BTLA: variants seen among roughly 807,000 people sequenced by gnomAD.
BTLA encodes B- and T-lymphocyte attenuator.
A neutral mutation model predicts 25.0 loss-of-function variants in BTLA; 11 were observed. The ratio of observed to expected loss-of-function variants is 0.44; its 90% CI spans 0.28 to 0.73. The LOEUF is 0.73. Among genes scored for constraint, BTLA ranks in the 30% least tolerant of loss-of-function variants. The probability of loss-of-function intolerance (pLI) is 0.15; values close to 1 mark genes in which losing one functional copy is unlikely to be tolerated. For synonymous variants in BTLA, 104 were observed against 119.8 expected, an observed-to-expected ratio of 0.87 and a Z score of 0.86; for missense variants, 282 against 332.8, an observed-to-expected ratio of 0.85 and a Z score of 1.19.
chr3:112,494,582 GAAT>G (rs1576693937), intron 1 of BTLA, among the ~76,000 whole-genome samples: 1 of 152,262 alleles, frequency 6.6e-6, no homozygotes, highest in East Asian at 1.9e-4. Flanking sequence ...CCATAAAAAA[GAAT>G]GAGATCATGC....
intron 2 of BTLA, 47 bp from the exon 3 acceptor site, chr3:112,471,402 A>G (rs761376768): frequency 6.9e-6 from 11 of 1,593,290 alleles, no homozygotes; most frequent in Middle Eastern, 1.7e-4. Flanking sequence ...TCTGAGATAT[A>G]TTGGGATCAG....
At chr3:112,482,164 A>C (rs2082321378) in intron 1 of BTLA, among the ~76,000 whole-genome samples, 2 of 151,500 alleles carry the variant, frequency 1.3e-5, no homozygotes, top group African/African-American at 4.9e-5. Flanking sequence ...TTTTTTCTCC[A>C]CTCTTACAGT....
At chr3:112,493,493 T>G (rs1162270258) in intron 1 of BTLA, among the ~76,000 whole-genome samples, 1 of 152,122 alleles carries the variant, frequency 6.6e-6, no homozygotes, top group Non-Finnish European at 1.5e-5. Context: ...GGGCAAAGGA[T>G]ATGAACACAC....
At chr3:112,480,454 T>G (rs867195257) in intron 1 of BTLA, among the ~76,000 whole-genome samples, 2 of 152,256 alleles carry the variant, frequency 1.3e-5, no homozygotes, top group African/African-American at 4.8e-5. Context: ...TACCTGAGAT[T>G]GGATAATTTT....
chr3:112,481,008 C>A (rs2082315223), intron 1 of BTLA, among the ~76,000 whole-genome samples: 5 of 152,190 alleles, frequency 3.3e-5, no homozygotes, highest in Admixed American at 3.3e-4. Flanking sequence ...AAGTTATCTA[C>A]TTCCAAAATA....
In BTLA at chr3:112,466,042, T is replaced by A; in HGVS notation, c.*66A>T. ...TTGAGAAATATTATTTGACATCCTGTTGAGCCCAGACAATGATGTCAACAT... is the reference window on the plus strand; with the variant it reads ...TTGAGAAATATTATTTGACATCCTGATGAGCCCAGACAATGATGTCAACAT... On this transcript the variant is annotated 3_prime_UTR_variant, in exon 5 of 5. Transcript: ENST00000334529. The A allele has an allele frequency of 7.0e-7, 1 of 1,437,804 alleles. No homozygotes were observed. Among genetic ancestry groups the A allele is most frequent in the Middle Eastern group, 1.8e-4 (1 of 5,502 alleles). The allele number at this position is 1,437,804 out of a possible 1,614,324, so 89.1% of individuals were successfully genotyped here.
chr3:112,467,506 T>C (rs1275195316), intron 4 of BTLA, among the ~76,000 whole-genome samples: 1 of 152,222 alleles, frequency 6.6e-6, no homozygotes, highest in African/African-American at 2.4e-5. Context: ...CTAACTCCTT[T>C]AAGGTATCAA....
intron 1 of BTLA, among the ~76,000 whole-genome samples, chr3:112,488,757 G>A (rs982283484): frequency 6.6e-6 from 1 of 152,102 alleles, no homozygotes; most frequent in African/African-American, 2.4e-5. Context: ...GGGAATACAG[G>A]CACCTGCCAC....
At chr3:112,497,473 T>G (rs1333618014) in intron 1 of BTLA, among the ~76,000 whole-genome samples, 1 of 152,192 alleles carries the variant, frequency 6.6e-6, no homozygotes, top group Non-Finnish European at 1.5e-5. Context: ...ATAAAGGTCT[T>G]ACCCCACCAT....
At chr3:112,477,510 G>A (rs2082295276) in intron 2 of BTLA, among the ~76,000 whole-genome samples, 1 of 151,876 alleles carries the variant, frequency 6.6e-6, no homozygotes. Context: ...GTCTATTCAA[G>A]TCCTTTGCTC....
At chr3:112,482,793 G>A (rs775097583) in intron 1 of BTLA, among the ~76,000 whole-genome samples, 2 of 152,048 alleles carry the variant, frequency 1.3e-5, no homozygotes, top group Non-Finnish European at 2.9e-5. Context: ...TAAGGATGAG[G>A]TTTTCAAAAA....
At chr3:112,490,739 AAG>A (rs1491273763) in intron 1 of BTLA, among the ~76,000 whole-genome samples, 85 of 9,310 alleles carry the variant, frequency 9.1e-3, no homozygotes, top group South Asian at 0.061. Context: ...TAAAAAAAAA[AAG>A]CAACCATGAA....
intron 2 of BTLA, among the ~76,000 whole-genome samples, chr3:112,476,179 C>T (rs2082287648): frequency 6.6e-6 from 1 of 152,204 alleles, no homozygotes; most frequent in African/African-American, 2.4e-5. Flanking sequence ...TAAGCCAGTG[C>T]ATGGATGGTC....
At chr3:112,497,615 T>C (rs961084519) in intron 1 of BTLA, among the ~76,000 whole-genome samples, 11 of 152,112 alleles carry the variant, frequency 7.2e-5, no homozygotes, top group Non-Finnish European at 1.6e-4. Flanking sequence ...AGGCATCTGA[T>C]GGAAGGTGGA....
chr3:112,472,749 C>T (rs779827067), intron 2 of BTLA, among the ~76,000 whole-genome samples: 10 of 151,902 alleles, frequency 6.6e-5, no homozygotes, highest in Admixed American at 2.0e-4. Flanking sequence ...TGGCTAGATG[C>T]TTAGGTTTGG....
chr3:112,499,392 A>G lies in BTLA; in HGVS notation c.-34T>C. On this transcript the variant is annotated 5_prime_UTR_variant, in exon 1 of 5. Coordinates refer to ENST00000334529, the MANE Select transcript of BTLA (RefSeq NM_181780.4). ...CATATCAGTGATGGAAAAACTGCTC[A>G]AGTAGAAGGCTTTGCTTCGTCTTCT... is the stretch of plus-strand genomic sequence containing the variant. 2 of 1,599,604 alleles carry G rather than the reference A, an allele frequency of 1.3e-6. No individual in the cohort carries two copies. The highest frequency in any genetic ancestry group is 1.7e-6 in the Non-Finnish European group (2 of 1,168,728).
intron 1 of BTLA, among the ~76,000 whole-genome samples, chr3:112,484,853 C>G (rs2082337818): frequency 6.6e-6 from 1 of 152,088 alleles, no homozygotes; most frequent in South Asian, 2.1e-4. Context: ...CTGACTGGCA[C>G]AGGAATTTTT....
chr3:112,475,269 G>C (rs2082283259), intron 2 of BTLA, among the ~76,000 whole-genome samples: 1 of 152,142 alleles, frequency 6.6e-6, no homozygotes, highest in African/African-American at 2.4e-5. Context: ...AAGGATAGGT[G>C]AGTAGGAAAC....
chr3:112,469,679 T>C, intron 4 of BTLA, 79 bp downstream of exon 4: 1 of 1,094,912 alleles, frequency 9.1e-7, no homozygotes, highest in Non-Finnish European at 1.3e-6. Context: ...GCACATGGTG[T>C]TATATAAATT....
Sources: gnomAD v4.1 joint callset for allele counts (sites outside exome capture counted in the v4.1 genomes callset) on GRCh38, gnomAD v4.1.1 for gene constraint, MANE v1.5 for transcripts, NCBI Gene and HGNC (gene_info 2026-07-23, HGNC 2026-07-21) for gene names.